ATP2C2: variants seen among roughly 807,000 people sequenced by gnomAD.
The protein encoded by ATP2C2 is calcium-transporting ATPase type 2C member 2.
ATP2C2 carries 171 observed loss-of-function variants against 110.8 expected under a neutral mutation model. The observed-to-expected ratio is 1.54, with a 90% CI of 1.36 to 1.75. The LOEUF (loss-of-function observed/expected upper bound fraction) is 1.75, where lower values mean the gene tolerates loss of function less well. Among genes scored for constraint, ATP2C2 ranks in the 40% most tolerant of loss-of-function variants. ATP2C2 has a pLI of 0.00. For synonymous variants in ATP2C2, 804 were observed against 508.4 expected (o/e 1.58, Z -7.82); for missense variants, 1,963 against 1,235.0 (o/e 1.59, Z -8.84).
chr16:84,459,511 C>A, intron 23 of ATP2C2, 125 bp downstream of exon 23: 1 of 1,567,120 alleles, frequency 6.4e-7, no homozygotes, highest in South Asian at 1.1e-5. Context: ...ATCAGGAGTT[C>A]CCAGAAAACT....
At chr16:84,447,128 C>T (rs553712982) in intron 16 of ATP2C2, among the ~76,000 whole-genome samples, 1 of 152,184 alleles carries the variant, frequency 6.6e-6, no homozygotes, top group South Asian at 2.1e-4. Context: ...TGCCTTCTAC[C>T]GTTTTCTCCA....
chr16:84,455,052 C>T, intron 21 of ATP2C2, 68 bp downstream of exon 21: 1 of 1,401,314 alleles, frequency 7.1e-7, no homozygotes, highest in Non-Finnish European at 9.8e-7. Flanking sequence ...TCCCTGGAAC[C>T]TGCTACTGTG....
intron 11 of ATP2C2, among the ~76,000 whole-genome samples, chr16:84,435,406 C>G (rs1908647887): frequency 6.6e-6 from 1 of 152,200 alleles, no homozygotes. Context: ...TTCAGCCAAC[C>G]CAGGTGGAGT....
intron 1 of ATP2C2, among the ~76,000 whole-genome samples, chr16:84,381,059 C>G (rs1295205767): frequency 1.3e-5 from 2 of 152,118 alleles, no homozygotes; most frequent in Non-Finnish European, 2.9e-5. Flanking sequence ...AGCAACATGG[C>G]TGTTTATTTC....
intron 17 of ATP2C2, among the ~76,000 whole-genome samples, chr16:84,449,685 C>T (rs1006616745): frequency 2.6e-5 from 4 of 152,284 alleles, no homozygotes; most frequent in African/African-American, 7.2e-5. Flanking sequence ...CTGACACCAG[C>T]GACGGGGCTG....
intron 11 of ATP2C2, among the ~76,000 whole-genome samples, chr16:84,430,632 AC>A (rs1233305267): frequency 1.1e-5 from 1 of 93,792 alleles, no homozygotes; most frequent in African/African-American, 4.1e-5. Context: ...AGAGTGAGAC[AC>A]CATCTCAAAA....
At chr16:84,419,711 C>A (rs1186827737) in intron 7 of ATP2C2, among the ~76,000 whole-genome samples, 1 of 152,128 alleles carries the variant, frequency 6.6e-6, no homozygotes, top group Non-Finnish European at 1.5e-5. Context: ...GTTTCCTGAG[C>A]ACCTACTACG....
intron 1 of ATP2C2, among the ~76,000 whole-genome samples, chr16:84,394,734 C>G (rs987754251): frequency 4.6e-5 from 7 of 152,230 alleles, no homozygotes; most frequent in African/African-American, 1.7e-4. Context: ...ACACGTCACT[C>G]CAGCCTCTGC....
In ATP2C2 at chr16:84,422,680, A is replaced by T; in HGVS notation, c.826A>T (p.Met276Leu). ...ESSQFGEVFKMMQAEETPKTP... is the reference protein window; with the variant it reads ...ESSQFGEVFKLMQAEETPKTP... ...CTCTCAGTTCGGAGAAGTGTTTAAG[A>T]TGATGCAGGCTGAAGAGGTAAGGGG... is the stretch of plus-strand genomic sequence containing the variant. The change falls in exon 9 of 27, where the codon ATG (methionine) becomes TTG (leucine). Residue 276 changes from methionine to leucine, a missense_variant. By Grantham distance (15) the Met-to-Leu change is conservative. Transcript: ENST00000262429. 6.2e-7 allele frequency: 1 copy of T among 1,613,208 alleles called. No homozygotes were observed. The highest frequency in any genetic ancestry group is 1.1e-5 in the South Asian group (1 of 90,938).
rs367635448 is a variant in ATP2C2 at position 84,439,227 on chromosome 16, G to A, written c.1048G>A (p.Gly350Arg). 6 of 1,612,208 alleles carry A rather than the reference G, an allele frequency of 3.7e-6. No individual in the cohort carries two copies. The African/African-American group carries it at 6.7e-5, about 18-fold the overall frequency. ...CGTCGTCATGGTGACGCTGGTCCTG[G>A]GAGTGCTGCGGATGGCCAAGAAGCG... ...PIVVMVTLVL[G>R]VLRMAKKRVI... Residue 350 changes from glycine (G) to arginine (R), a missense_variant, in exon 12 of 27, where the codon GGA becomes AGA. Physicochemically the swap from Gly to Arg is moderately radical, Grantham distance 125. Coordinates refer to ENST00000262429, the MANE Select transcript of ATP2C2 (RefSeq NM_014861.4).
At chr16:84,390,546 C>T (rs1904591772) in intron 1 of ATP2C2, among the ~76,000 whole-genome samples, 1 of 152,152 alleles carries the variant, frequency 6.6e-6, no homozygotes, top group South Asian at 2.1e-4. Flanking sequence ...GAGGCACAGA[C>T]ACAGAAGATG....
intron 16 of ATP2C2, among the ~76,000 whole-genome samples, chr16:84,447,709 ATAT>A (rs962981889): frequency 4.9e-5 from 7 of 142,160 alleles, no homozygotes; most frequent in Non-Finnish European, 1.1e-4. Context: ...TATGTAATAT[ATAT>A]TATAATTGTA....
intron 2 of ATP2C2, 175 bp from the exon 3 acceptor site, chr16:84,404,953 C>T (rs753310551): frequency 9.9e-6 from 7 of 707,548 alleles, no homozygotes; most frequent in Middle Eastern, 2.3e-4. Context: ...GCCTTTTCCT[C>T]CTCTCTCTGC....
chr16:84,438,640 A>T (rs1908960369), intron 11 of ATP2C2, among the ~76,000 whole-genome samples: 1 of 152,026 alleles, frequency 6.6e-6, no homozygotes, highest in Admixed American at 6.6e-5. Context: ...CCCGAAACAG[A>T]TCCACGCAGC....
chr16:84,456,490 A>G (rs1910799771), intron 21 of ATP2C2, among the ~76,000 whole-genome samples: 2 of 137,346 alleles, frequency 1.5e-5, no homozygotes, highest in Admixed American at 1.5e-4. Flanking sequence ...AGTTCTGGCC[A>G]GGGCAATCAG....
chr16:84,447,301 A>G (rs747301881), intron 16 of ATP2C2, among the ~76,000 whole-genome samples: 1 of 152,146 alleles, frequency 6.6e-6, no homozygotes, highest in African/African-American at 2.4e-5. Context: ...GGGATTATAG[A>G]TTTTCAAAAA....
chr16:84,395,636 A>G (rs114906516), intron 1 of ATP2C2, among the ~76,000 whole-genome samples: 2,860 of 151,756 alleles, frequency 0.019, 100 homozygotes, highest in African/African-American at 0.064. Context: ...CAGCCTCCAG[A>G]GTCGCTGAGA....
intron 17 of ATP2C2, 112 bp downstream of exon 17, chr16:84,448,801 G>A: frequency 7.2e-7 from 1 of 1,394,008 alleles, no homozygotes; most frequent in Non-Finnish European, 9.7e-7. Flanking sequence ...AAGGAGTCAG[G>A]CAGCATGCTG....
chr16:84,420,958 C>G (rs986302236), intron 7 of ATP2C2, among the ~76,000 whole-genome samples: 1 of 152,004 alleles, frequency 6.6e-6, no homozygotes, highest in African/African-American at 2.4e-5. Flanking sequence ...GGCGCCTGCC[C>G]CCATACCCGG....
Sources: gnomAD v4.1 joint callset for allele counts (sites outside exome capture counted in the v4.1 genomes callset) on GRCh38, gnomAD v4.1.1 for gene constraint, MANE v1.5 for transcripts, NCBI Gene and HGNC (gene_info 2026-07-23, HGNC 2026-07-21) for gene names.